COL4A6: variants seen among roughly 807,000 people sequenced by gnomAD.
The protein encoded by COL4A6 is collagen type IV alpha 6 chain.
In COL4A6, 59 loss-of-function variants were observed where a neutral mutation model predicts 126.7. The observed-to-expected ratio is 0.47, with a 90% CI of 0.38 to 0.58. The LOEUF (loss-of-function observed/expected upper bound fraction) is 0.58. Ranked by LOEUF, COL4A6 falls within the 20% of genes least tolerant of loss-of-function variation. The pLI, the probability that COL4A6 is intolerant of heterozygous loss-of-function variation, is 0.00. For missense variants in COL4A6, 1,285 were observed against 1,337.3 expected, an observed-to-expected ratio of 0.96 and a Z score of 0.61; for synonymous variants, 547 against 496.6, an observed-to-expected ratio of 1.10 and a Z score of -1.35.
At chrX:108,278,023 A>G (rs1457012143) in intron 3 of COL4A6, among the ~76,000 whole-genome samples, 3 of 111,935 alleles carry the variant, frequency 2.7e-5, no homozygotes, top group Non-Finnish European at 5.6e-5. Context: ...AAAAATAGAT[A>G]AAACCACAAA....
chrX:108,396,049 C>G (rs1188564629), intron 2 of COL4A6, among the ~76,000 whole-genome samples: 1 of 110,235 alleles, frequency 9.1e-6, no homozygotes, highest in Non-Finnish European at 1.9e-5. Flanking sequence ...TCCCTAAACT[C>G]TGGGAAATAA....
intron 2 of COL4A6, among the ~76,000 whole-genome samples, chrX:108,351,641 T>C (rs1401553931): frequency 9.0e-6 from 1 of 111,151 alleles, no homozygotes; most frequent in Non-Finnish European, 1.9e-5. Context: ...CTCACAAGAC[T>C]GTACCCTGAT....
chrX:108,424,082 G>T (rs1229597407), intron 2 of COL4A6, among the ~76,000 whole-genome samples: 1 of 111,749 alleles, frequency 8.9e-6, no homozygotes, highest in Admixed American at 9.5e-5. Flanking sequence ...TGCTAGAACT[G>T]TAGTGTATGA....
intron 23 of COL4A6, among the ~76,000 whole-genome samples, chrX:108,181,612 T>A (rs939040561): frequency 2.7e-5 from 3 of 111,889 alleles, no homozygotes; most frequent in African/African-American, 9.8e-5. Flanking sequence ...TTCCCTCAGC[T>A]CCTTATTTGA....
chrX:108,214,139 A>G lies in COL4A6; in HGVS notation c.414T>C (p.Asp138=), dbSNP rs762865465. 6.6e-6 allele frequency: 8 copies of G among 1,209,526 alleles called. No homozygotes were observed. Among genetic ancestry groups the G allele is most frequent in the Non-Finnish European group, 8.9e-6 (8 of 894,027 alleles). The change falls in exon 6 of 45, where the codon GAT becomes GAC. Residue 138 remains aspartate (D), a synonymous_variant. Coordinates refer to ENST00000334504, the MANE Select transcript of COL4A6 (RefSeq NM_033641.4). ...TQGAVGFPGP[D]GYPGLLGPPG... is the part of the protein sequence containing the mutation. ...GTGGTCCGAGAAGCCCAGGATAGCC[A>G]TCAGGGCCTGGAAATCCAACAGCTC... is the stretch of plus-strand genomic sequence containing the variant.
intron 5 of COL4A6, among the ~76,000 whole-genome samples, chrX:108,215,208 A>G (rs988711933): frequency 8.9e-6 from 1 of 112,546 alleles, no homozygotes; most frequent in Admixed American, 9.4e-5. Context: ...TCTTATAGAG[A>G]AAATATTCTA....
intron 2 of COL4A6, among the ~76,000 whole-genome samples, chrX:108,382,049 A>G (rs1163610267): frequency 9.1e-6 from 1 of 110,408 alleles, no homozygotes; most frequent in Non-Finnish European, 1.9e-5. Context: ...TCTCACCTAG[A>G]CTCTAACAGC....
intron 2 of COL4A6, among the ~76,000 whole-genome samples, chrX:108,363,030 A>G (rs753143725): frequency 1.1e-3 from 119 of 112,224 alleles, no homozygotes; most frequent in African/African-American, 3.3e-3. Context: ...TTTTACTTCT[A>G]TTTATGCAAT....
chrX:108,158,670 ATGT>A (rs759625428), intron 44 of COL4A6, among the ~76,000 whole-genome samples: 2 of 111,880 alleles, frequency 1.8e-5, no homozygotes, highest in South Asian at 7.6e-4. Flanking sequence ...AGGTACGCTA[ATGT>A]TGGGGAGCCT....
chrX:108,436,104 A>C lies in COL4A6; in HGVS notation c.63+1838T>G, dbSNP rs1379298543. On this transcript the variant is annotated intron_variant, in intron 2 of 44. Transcript: ENST00000334504. Reference sequence around the variant, plus strand: ...TGTCTTTATATTTGTCATTTTCCCCAAAACTGAAAAAAAGTAGCTTTACAA... The same window carrying C: ...TGTCTTTATATTTGTCATTTTCCCCCAAACTGAAAAAAAGTAGCTTTACAA... Among the ~76,000 whole-genome samples, 4 of 112,267 alleles carry C rather than the reference A, an allele frequency of 3.6e-5. No individual in the cohort carries two copies. In the Admixed American group the frequency reaches 3.8e-4, roughly 11 times the overall value.
At chrX:108,275,012 C>T (rs1162315311) in intron 3 of COL4A6, among the ~76,000 whole-genome samples, 2 of 111,147 alleles carry the variant, frequency 1.8e-5, no homozygotes, top group African/African-American at 6.5e-5. Flanking sequence ...AGAATCTTGT[C>T]TTCCATAGCA....
intron 2 of COL4A6, among the ~76,000 whole-genome samples, chrX:108,330,724 C>A (rs776383804): frequency 4.5e-5 from 5 of 111,221 alleles, no homozygotes; most frequent in Non-Finnish European, 9.4e-5. Flanking sequence ...CACTCCACAG[C>A]TATACCAAGT....
chrX:108,413,363 A>G (rs764077078), intron 2 of COL4A6, among the ~76,000 whole-genome samples: 3 of 112,480 alleles, frequency 2.7e-5, no homozygotes, highest in African/African-American at 9.7e-5. Context: ...GTGTCATTCC[A>G]GTCCATGTGA....
At chrX:108,245,404 T>A (rs1024965580) in intron 3 of COL4A6, among the ~76,000 whole-genome samples, 1 of 111,797 alleles carries the variant, frequency 8.9e-6, no homozygotes, top group African/African-American at 3.2e-5. Context: ...CTGGGTCTAG[T>A]AGGTAAGGCT....
chrX:108,297,706 C>T (rs773807176), intron 3 of COL4A6, among the ~76,000 whole-genome samples: 2 of 111,471 alleles, frequency 1.8e-5, no homozygotes, highest in Admixed American at 9.4e-5. Flanking sequence ...TTTCTCTACC[C>T]TGTTCTGGGT....
At chrX:108,353,017 C>A (rs1338142991) in intron 2 of COL4A6, among the ~76,000 whole-genome samples, 4 of 112,124 alleles carry the variant, frequency 3.6e-5, no homozygotes, top group Non-Finnish European at 7.5e-5. Context: ...AACAGAATGA[C>A]AGGACACTGT....
At chrX:108,387,970 T>C (rs952898223) in intron 2 of COL4A6, among the ~76,000 whole-genome samples, 2 of 112,165 alleles carry the variant, frequency 1.8e-5, no homozygotes, top group African/African-American at 6.5e-5. Context: ...TCTATTGAGA[T>C]AATCATGTGG....
chrX:108,377,732 A>T (rs1180621580), intron 2 of COL4A6, among the ~76,000 whole-genome samples: 2 of 107,986 alleles, frequency 1.9e-5, no homozygotes, highest in African/African-American at 6.8e-5. Context: ...GATCGAGACC[A>T]TCCTGGCTAA....
chrX:108,192,735 G>T (rs1341020027), intron 17 of COL4A6, among the ~76,000 whole-genome samples, 155 bp from the exon 18 acceptor site: 1 of 112,528 alleles, frequency 8.9e-6, no homozygotes, highest in Non-Finnish European at 1.9e-5. Context: ...ACATGATAAT[G>T]GGTCTTCTGG....
Sources: allele counts gnomAD v4.1 joint callset (sites outside exome capture counted in the v4.1 genomes callset), GRCh38; gene constraint gnomAD v4.1.1; transcripts MANE v1.5; gene names NCBI Gene and HGNC (gene_info 2026-07-23, HGNC 2026-07-21).